The following NEBL variants were observed in gnomAD, a reference collection of about 807,000 sequenced individuals.
NEBL encodes LIM and SH3 protein 2.
NEBL carries 122 observed loss-of-function variants against 140.2 expected under a neutral mutation model. The observed-to-expected ratio is 0.87, with a 90% confidence interval of 0.75 to 1.01. NEBL has a LOEUF of 1.01. Ranked by LOEUF, NEBL falls within the 50% of genes least tolerant of loss-of-function variation. The pLI is 0.00. For missense variants in NEBL, 1,365 were observed against 1,231.3 expected, an observed-to-expected ratio of 1.11 and a Z score of -1.62; for synonymous variants, 436 against 398.9, an observed-to-expected ratio of 1.09 and a Z score of -1.11.
intron 26 of NEBL, chr10:20,804,180 A>G (rs1837402971): frequency 6.6e-6 from 1 of 152,140 alleles, no homozygotes; most frequent in South Asian, 2.1e-4. Flanking sequence ...CTGAAGTGGT[A>G]CCAGGTGCTA....
At chr10:21,198,407 G>A (rs1841685408) in intron 3 of NEBL, among the ~76,000 whole-genome samples, 1 of 152,100 alleles carries the variant, frequency 6.6e-6, no homozygotes, top group South Asian at 2.1e-4. Flanking sequence ...CCCTCTCTGT[G>A]CCTCCTGGTT....
chr10:20,889,923 C>G lies in NEBL; in HGVS notation c.180G>C (p.Lys60Asn), dbSNP rs41277374. The G allele has an allele frequency of 5.5e-3, 8,826 of 1,607,010 alleles. 35 individuals carry two copies. The highest frequency in any genetic ancestry group is 6.7e-3 in the Non-Finnish European group (7,881 of 1,174,878). Residue 60 changes from lysine to asparagine, a missense_variant, in exon 3 of 28, where the codon AAG becomes AAC. Physicochemically the swap from Lys to Asn is moderately conservative, Grantham distance 94 (BLOSUM62 0). This residue lies in a region of NEBL where 1,323 missense variants were observed against 1,154.8 expected (regional missense o/e 1.15). Coordinates refer to ENST00000377122, the MANE Select transcript of NEBL (RefSeq NM_006393.3). ...SDIRYKEEFK[K>N]SKDKCTFVTD... ...TCACAAATGTACACTTATCCTTGGA[C>G]TTTTTAAACTCTTCTTTATAACGGA...
chr10:20,957,327 A>G (rs1188840795), intron 4 of NEBL, among the ~76,000 whole-genome samples: 1 of 152,202 alleles, frequency 6.6e-6, no homozygotes, highest in African/African-American at 2.4e-5. Flanking sequence ...CAAAAGAGCT[A>G]AAAATAATTA....
intron 26 of NEBL, among the ~76,000 whole-genome samples, chr10:20,788,802 C>T (rs897010345): frequency 6.6e-6 from 1 of 152,026 alleles, no homozygotes; most frequent in African/African-American, 2.4e-5. Flanking sequence ...AATCCACTCA[C>T]GAAGAAAAAA....
chr10:21,004,691 G>C (rs1838050665), intron 3 of NEBL, among the ~76,000 whole-genome samples: 1 of 151,738 alleles, frequency 6.6e-6, no homozygotes, highest in Non-Finnish European at 1.5e-5. Context: ...CTGCACTCCA[G>C]CCTGGGGCAC....
intron 2 of NEBL, among the ~76,000 whole-genome samples, chr10:21,101,678 C>T (rs1359098648): frequency 6.6e-6 from 1 of 152,184 alleles, no homozygotes; most frequent in African/African-American, 2.4e-5. Flanking sequence ...ATCTTAAATA[C>T]TATGTACCCC....
intron 3 of NEBL, among the ~76,000 whole-genome samples, chr10:21,192,049 G>A (rs931891377): frequency 1.3e-5 from 2 of 152,152 alleles, no homozygotes; most frequent in African/African-American, 4.8e-5. Context: ...GACCTACTCA[G>A]TAGAGGGTAT....
intron 4 of NEBL, among the ~76,000 whole-genome samples, chr10:20,940,160 T>A (rs1266044701): frequency 2.0e-5 from 3 of 152,040 alleles, no homozygotes; most frequent in African/African-American, 7.3e-5. Context: ...CCACACCTAT[T>A]CCAAAATTGA....
chr10:20,808,725 T>A (rs1377556619), intron 25 of NEBL, 66 bp from the exon 26 acceptor site: 8 of 1,506,802 alleles, frequency 5.3e-6, no homozygotes, highest in Non-Finnish European at 7.3e-6. Context: ...CAACAAAAAA[T>A]TACTTAAAAG....
chr10:20,837,782 C>T (rs1165012645), intron 13 of NEBL, among the ~76,000 whole-genome samples: 2 of 152,188 alleles, frequency 1.3e-5, no homozygotes, highest in African/African-American at 4.8e-5. Flanking sequence ...GCAGCCAATG[C>T]TCATTTACCA....
intron 9 of NEBL, among the ~76,000 whole-genome samples, chr10:20,853,629 A>C (rs780787187): frequency 1.2e-4 from 18 of 152,148 alleles, no homozygotes; most frequent in Non-Finnish European, 2.5e-4. Flanking sequence ...TTCTACAAAA[A>C]ATAAAGAAAT....
At chr10:21,131,866 G>C (rs752639975) in intron 2 of NEBL, among the ~76,000 whole-genome samples, 1 of 152,156 alleles carries the variant, frequency 6.6e-6, no homozygotes, top group Non-Finnish European at 1.5e-5. Context: ...ATTGGTAAAA[G>C]TTTCCTGCTG....
At position 21,173,718 on chromosome 10, in the gene NEBL, G is replaced by C; in HGVS notation, c.69+47C>G. 6.2e-7 allele frequency: 1 copy of C among 1,610,136 alleles called. No individual in the cohort carries two copies. The highest frequency in any genetic ancestry group is 1.7e-4 in the Middle Eastern group (1 of 6,056). ...GCCAAAACTTCTCGAAGCAGGTGCA[G>C]CCCCTCGCCCGGCAGGTCCAGGCTG... On this transcript the variant is annotated intron_variant, in intron 1 of 6. Coordinates refer to the NEBL transcript ENST00000417816. The surrounding 1 kb of genome is among the most constrained non-coding windows in gnomAD (Gnocchi z 5.7).
At chr10:21,059,510 G>A (rs1279090258) in intron 2 of NEBL, among the ~76,000 whole-genome samples, 1 of 152,206 alleles carries the variant, frequency 6.6e-6, no homozygotes, top group Non-Finnish European at 1.5e-5. Flanking sequence ...GGAGGAAGGG[G>A]AATGACCTCT....
intron 2 of NEBL, chr10:21,030,475 C>A: frequency 1.3e-6 from 1 of 760,140 alleles, no homozygotes; most frequent in South Asian, 1.3e-5. Context: ...CTGATCAGCC[C>A]CAAAAGGTAA....
At chr10:21,281,321 G>C (rs1368418748) in intron 1 of NEBL, among the ~76,000 whole-genome samples, 3 of 151,830 alleles carry the variant, frequency 2.0e-5, no homozygotes, top group Admixed American at 1.3e-4. Flanking sequence ...TTGGTTTTGG[G>C]GTTTTTTGTG....
intron 2 of NEBL, among the ~76,000 whole-genome samples, chr10:21,088,858 A>G (rs1836775340): frequency 6.6e-6 from 1 of 152,192 alleles, no homozygotes; most frequent in South Asian, 2.1e-4. Context: ...CTTCAGGGTT[A>G]AGGGAAGTCT....
intron 3 of NEBL, among the ~76,000 whole-genome samples, chr10:21,205,573 T>G (rs1044144567): frequency 6.6e-6 from 1 of 152,124 alleles, no homozygotes; most frequent in African/African-American, 2.4e-5. Context: ...CCCATTTTTG[T>G]AAGAAGAAAA....
intron 1 of NEBL, among the ~76,000 whole-genome samples, chr10:21,285,716 A>C (rs945060243): frequency 6.6e-6 from 1 of 152,202 alleles, no homozygotes; most frequent in South Asian, 2.1e-4. Context: ...AAGCTGTTCT[A>C]CTTCCAGGAA....
Sources: allele counts gnomAD v4.1 joint callset (sites outside exome capture counted in the v4.1 genomes callset), GRCh38; gene constraint gnomAD v4.1.1; regional missense constraint gnomAD v4.1.1; non-coding constraint Gnocchi (gnomAD v3.1); transcripts MANE v1.5; gene names NCBI Gene and HGNC (gene_info 2026-07-23, HGNC 2026-07-21).